Variants in RYR2 observed in about 807,000 individuals in gnomAD.
RYR2 encodes cardiac muscle ryanodine receptor-calcium release channel.
RYR2 carries 227 observed loss-of-function variants against 601.1 expected under a neutral mutation model. That is an observed-to-expected ratio of 0.38 (90% CI 0.34 to 0.42). The LOEUF (loss-of-function observed/expected upper bound fraction) is 0.42, where lower values mean the gene tolerates loss of function less well. Ranked by LOEUF, RYR2 falls within the 10% of genes least tolerant of loss-of-function variation. The pLI is 1.00. For missense variants in RYR2, 4,646 were observed against 6,156.5 expected (o/e 0.75, Z 8.21); for synonymous variants, 2,223 against 2,175.1 (o/e 1.02, Z -0.61).
intron 11 of RYR2, among the ~76,000 whole-genome samples, chr1:237,418,654 G>T (rs1015309207): frequency 6.6e-6 from 1 of 151,990 alleles, no homozygotes; most frequent in Non-Finnish European, 1.5e-5. Flanking sequence ...ATTGAAAATG[G>T]TCTTCTTTAA....
intron 17 of RYR2, among the ~76,000 whole-genome samples, chr1:237,472,548 A>G (rs1481835033): frequency 6.6e-6 from 1 of 152,206 alleles, no homozygotes; most frequent in African/African-American, 2.4e-5. Flanking sequence ...GAATAGTTAA[A>G]TTATATTACA....
intron 1 of RYR2, among the ~76,000 whole-genome samples, chr1:237,171,881 CT>C (rs1677440215): frequency 6.6e-6 from 1 of 152,188 alleles, no homozygotes; most frequent in Non-Finnish European, 1.5e-5. Context: ...GGAATATCTG[CT>C]TTTACCCACC....
At chr1:237,096,212 C>T (rs558478561) in intron 1 of RYR2, among the ~76,000 whole-genome samples, 1 of 152,184 alleles carries the variant, frequency 6.6e-6, no homozygotes, top group Non-Finnish European at 1.5e-5. Flanking sequence ...ATTTCAAATA[C>T]TTTCCACTGC....
intron 1 of RYR2, among the ~76,000 whole-genome samples, chr1:237,147,509 A>G (rs1024125077): frequency 6.6e-6 from 1 of 152,200 alleles, no homozygotes; most frequent in Non-Finnish European, 1.5e-5. Context: ...CCTTCTGTTC[A>G]ATGACCATTT....
intron 7 of RYR2, among the ~76,000 whole-genome samples, chr1:237,375,957 C>T (rs755282458): frequency 5.9e-5 from 9 of 152,080 alleles, no homozygotes; most frequent in Non-Finnish European, 8.8e-5. Context: ...TGTTTTTTCC[C>T]GTAGTTCCCT....
At chr1:237,248,083 G>C (rs982949317) in intron 1 of RYR2, among the ~76,000 whole-genome samples, 11 of 152,020 alleles carry the variant, frequency 7.2e-5, no homozygotes, top group Non-Finnish European at 1.3e-4. Context: ...CCCAGCCTGG[G>C]TAACATGGTG....
chr1:237,153,851 C>G (rs940568524), intron 1 of RYR2, among the ~76,000 whole-genome samples: 17 of 152,084 alleles, frequency 1.1e-4, no homozygotes. Context: ...TGTTTTGCTA[C>G]TAGGCAAACA....
At position 237,438,336 on chromosome 1, in the gene RYR2, A is replaced by G. The variant is rs1029912581; in HGVS notation, c.1006-2983A>G. 5.3e-5 allele frequency among the ~76,000 whole-genome samples: 8 copies of G among 152,174 alleles called. 1 individual carries two copies. The South Asian group carries it at 8.3e-4, about 16-fold the overall frequency. On this transcript the variant is annotated intron_variant, in intron 12 of 104. Coordinates refer to ENST00000366574, the MANE Select transcript of RYR2 (RefSeq NM_001035.3). ...TGTTGTTTTTGTTTTTCCAAAAAAT[A>G]TAGCTCACATTTCTAGTTTCTTTGT...
At chr1:237,592,426 A>G (rs941704965) in intron 32 of RYR2, among the ~76,000 whole-genome samples, 54 of 152,114 alleles carry the variant, frequency 3.5e-4, no homozygotes, top group African/African-American at 1.2e-3. Flanking sequence ...TGAGGTCAAG[A>G]GTTCAAGACC....
chr1:237,256,653 A>G (rs925543400), intron 1 of RYR2, among the ~76,000 whole-genome samples: 1 of 152,196 alleles, frequency 6.6e-6, no homozygotes, highest in African/African-American at 2.4e-5. Flanking sequence ...TGAGCCAATA[A>G]CTTTGTTTTA....
intron 27 of RYR2, among the ~76,000 whole-genome samples, chr1:237,560,051 A>G (rs76843087): frequency 6.6e-6 from 1 of 152,274 alleles, no homozygotes; most frequent in African/African-American, 2.4e-5. Context: ...CAGGCAATTT[A>G]TAATTTCACA....
chr1:237,345,473 A>T (rs546360221), intron 3 of RYR2, among the ~76,000 whole-genome samples: 16 of 150,832 alleles, frequency 1.1e-4, no homozygotes, highest in East Asian at 7.8e-4. Flanking sequence ...AAAATAAAAA[A>T]TAAAAAATAA....
chr1:237,667,818 T>C (rs559917481), intron 57 of RYR2, 65 bp from the exon 58 acceptor site: 3 of 1,149,968 alleles, frequency 2.6e-6, no homozygotes, highest in South Asian at 1.4e-5. Context: ...TCTAATATTA[T>C]ATATTAGAAA....
chr1:237,734,805 A>C (rs780646114), intron 79 of RYR2, among the ~76,000 whole-genome samples: 9 of 152,218 alleles, frequency 5.9e-5, no homozygotes, highest in Non-Finnish European at 8.8e-5. Flanking sequence ...CCTGTGAGAC[A>C]TCTAAGTGGA....
chr1:237,457,372 T>G (rs1368031619), intron 16 of RYR2, among the ~76,000 whole-genome samples: 3 of 152,278 alleles, frequency 2.0e-5, no homozygotes, highest in East Asian at 1.9e-4. Flanking sequence ...ACACAGCTCC[T>G]CATTATTTTT....
intron 1 of RYR2, among the ~76,000 whole-genome samples, chr1:237,187,792 G>A (rs1035503174): frequency 1.3e-5 from 2 of 152,094 alleles, no homozygotes; most frequent in Non-Finnish European, 2.9e-5. Flanking sequence ...AAAGCAGATG[G>A]CAGAATCACA....
At chr1:237,720,545 T>A (rs1440344242) in intron 73 of RYR2, among the ~76,000 whole-genome samples, 12 of 152,340 alleles carry the variant, frequency 7.9e-5, no homozygotes, top group African/African-American at 2.9e-4. Flanking sequence ...TTTAAAAGTT[T>A]ATAAAGCCTC....
intron 25 of RYR2, among the ~76,000 whole-genome samples, chr1:237,533,224 A>G (rs1027302553): frequency 6.6e-6 from 1 of 152,178 alleles, no homozygotes; most frequent in South Asian, 2.1e-4. Flanking sequence ...TAAATTTTCC[A>G]TGAGATATCA....
chr1:237,733,877 C>A, intron 79 of RYR2, 121 bp downstream of exon 79: 1 of 719,324 alleles, frequency 1.4e-6, no homozygotes, highest in Non-Finnish European at 2.4e-6. Flanking sequence ...TAGCATGAAT[C>A]TCCGTTCTAA....
Sources: allele counts gnomAD v4.1 joint callset (sites outside exome capture counted in the v4.1 genomes callset), GRCh38; gene constraint gnomAD v4.1.1; transcripts MANE v1.5; gene names NCBI Gene and HGNC (gene_info 2026-07-23, HGNC 2026-07-21).